KANK1: variants seen among roughly 807,000 people sequenced by gnomAD.
The protein encoded by KANK1 is KN motif and ankyrin repeat domain-containing protein 1.
In KANK1, 109 loss-of-function variants were observed where a neutral mutation model predicts 106.2. That is an observed-to-expected ratio of 1.03 (90% CI 0.88 to 1.20). The LOEUF (loss-of-function observed/expected upper bound fraction) is 1.20, where lower values mean the gene tolerates loss of function less well. Ranked by LOEUF, KANK1 falls within the 50% of genes most tolerant of loss-of-function variation. The probability of loss-of-function intolerance (pLI) is 0.00; values close to 1 mark genes in which losing one functional copy is unlikely to be tolerated. For synonymous variants in KANK1, 873 were observed against 652.2 expected (o/e 1.34, Z -5.16); for missense variants, 2,399 against 1,710.7 (o/e 1.40, Z -7.10).
chr9:718,064 G>A (rs1415649777), intron 3 of KANK1, among the ~76,000 whole-genome samples: 2 of 152,150 alleles, frequency 1.3e-5, no homozygotes, highest in Non-Finnish European at 2.9e-5. Flanking sequence ...AGCAAAAGTA[G>A]TCATTACAAA....
At chr9:693,469 C>G (rs908851218) in intron 2 of KANK1, 92 of 985,182 alleles carry the variant, frequency 9.3e-5, no homozygotes, top group Non-Finnish European at 1.1e-4. Flanking sequence ...TTTCATATGC[C>G]TGAAGAGTAT....
chr9:610,253 C>T (rs980085646), intron 1 of KANK1, among the ~76,000 whole-genome samples: 4 of 152,104 alleles, frequency 2.6e-5, no homozygotes, highest in African/African-American at 4.8e-5. Flanking sequence ...ACAAAAGTAA[C>T]ACAATTATCC....
At chr9:685,229 T>C (rs763097700) in intron 2 of KANK1, among the ~76,000 whole-genome samples, 2 of 152,218 alleles carry the variant, frequency 1.3e-5, no homozygotes, top group Admixed American at 6.5e-5. Context: ...TTTGTACATA[T>C]AGCATTAGTC....
chr9:576,752 G>A (rs946946591), intron 1 of KANK1, among the ~76,000 whole-genome samples: 5 of 150,970 alleles, frequency 3.3e-5, no homozygotes, highest in African/African-American at 9.7e-5. Context: ...AGGAAGAGGA[G>A]GGACCTTGTT....
At chr9:670,701 C>T (rs1252156844) in intron 1 of KANK1, among the ~76,000 whole-genome samples, 1 of 152,158 alleles carries the variant, frequency 6.6e-6, no homozygotes, top group African/African-American at 2.4e-5. Context: ...TGCCTCCTTC[C>T]TTTGTGTCCG....
intron 1 of KANK1, among the ~76,000 whole-genome samples, chr9:574,719 G>A (rs896879175): frequency 3.3e-5 from 5 of 151,914 alleles, no homozygotes; most frequent in African/African-American, 9.7e-5. Flanking sequence ...GCCAGGCATG[G>A]TGGCACGTGC....
upstream of KANK1, among the ~76,000 whole-genome samples, chr9:503,861 C>T (rs1564130708): frequency 6.6e-6 from 1 of 152,204 alleles, no homozygotes; most frequent in African/African-American, 2.4e-5. Context: ...AACTAGGAAG[C>T]CAGTTCAATC....
chr9:685,752 A>C lies in KANK1; in HGVS notation c.37+8743A>C, dbSNP rs142005964. The stretch of plus-strand genomic sequence containing the variant: ...AAGTTTTCTCTCAGGGATCTTTTCT[A>C]CTTTGGACATGATCTCTGTTAGGCA... On this transcript the variant is annotated intron_variant, in intron 2 of 11. Coordinates refer to ENST00000382297, the MANE Select transcript of KANK1 (RefSeq NM_015158.5). Among the ~76,000 whole-genome samples, 6 of 152,280 alleles carry C rather than the reference A, an allele frequency of 3.9e-5. No individual in the cohort carries two copies. In the East Asian group the frequency reaches 9.6e-4, roughly 24 times the overall value.
At chr9:657,928 G>C (rs1009028986) in intron 1 of KANK1, among the ~76,000 whole-genome samples, 1 of 151,946 alleles carries the variant, frequency 6.6e-6, no homozygotes, top group African/African-American at 2.4e-5. Context: ...AATTGCCCAG[G>C]CTGGAATGCA....
intron 1 of KANK1, among the ~76,000 whole-genome samples, chr9:558,530 G>A (rs945642262): frequency 2.0e-5 from 3 of 152,110 alleles, no homozygotes; most frequent in African/African-American, 4.8e-5. Flanking sequence ...ACCTCATGGC[G>A]AAGAGCACTG....
chr9:542,297 C>G (rs938928620), intron 1 of KANK1, among the ~76,000 whole-genome samples: 11 of 152,204 alleles, frequency 7.2e-5, no homozygotes, highest in African/African-American at 2.2e-4. Context: ...GTCAGGAGTT[C>G]AAGACTGGCC....
At chr9:539,845 A>G (rs1049052835) in intron 1 of KANK1, among the ~76,000 whole-genome samples, 14 of 152,254 alleles carry the variant, frequency 9.2e-5, no homozygotes, top group Admixed American at 7.2e-4. Flanking sequence ...TAGATAGTTC[A>G]TTATTAGTAT....
intron 2 of KANK1, among the ~76,000 whole-genome samples, chr9:694,528 GCT>G (rs1416802183): frequency 6.6e-6 from 1 of 152,160 alleles, no homozygotes; most frequent in Admixed American, 6.5e-5. Flanking sequence ...TGGCATTTTG[GCT>G]GTTTTGAGAC....
At chr9:515,299 C>G (rs181991609) in intron 1 of KANK1, among the ~76,000 whole-genome samples, 1 of 149,722 alleles carries the variant, frequency 6.7e-6, no homozygotes, top group African/African-American at 2.5e-5. Context: ...GAGCCGAGAT[C>G]GTGCCACTGC....
intron 1 of KANK1, among the ~76,000 whole-genome samples, chr9:534,603 C>T (rs868696251): frequency 6.6e-6 from 1 of 152,194 alleles, no homozygotes; most frequent in Non-Finnish European, 1.5e-5. Flanking sequence ...TTTTTTCCCC[C>T]TCTTAGTTAT....
chr9:705,169 A>G (rs1823742800), intron 2 of KANK1, among the ~76,000 whole-genome samples: 1 of 152,160 alleles, frequency 6.6e-6, no homozygotes, highest in Non-Finnish European at 1.5e-5. Context: ...TCAGAGCATC[A>G]AGATGTTTTT....
chr9:572,696 C>G (rs1181920162), intron 1 of KANK1, among the ~76,000 whole-genome samples: 4 of 152,164 alleles, frequency 2.6e-5, no homozygotes, highest in African/African-American at 9.7e-5. Context: ...ATGTCCAGCC[C>G]TACTTTTGCT....
rs1378860055 is a variant in KANK1 at position 711,798 on chromosome 9, A to T, written c.1032A>T (p.Glu344Asp). The T allele has an allele frequency of 6.2e-7, 1 of 1,614,072 alleles. No individual in the cohort carries two copies. The highest frequency in any genetic ancestry group is 8.5e-7 in the Non-Finnish European group (1 of 1,179,994). Reference protein sequence around the residue: ...QLSRARRSGGELYIDYEEEEM... With the variant: ...QLSRARRSGGDLYIDYEEEEM... ...CCCGGGCCCGAAGAAGTGGCGGGGA[A>T]TTATACATTGACTATGAGGAGGAAG... The change falls in exon 3 of 12, where the codon GAA (glutamate) becomes GAT (aspartate). Residue 344 changes from glutamate (E) to aspartate (D), a missense_variant. Glu to Asp is a conservative substitution (Grantham distance 45). Coordinates refer to ENST00000382297, the MANE Select transcript of KANK1 (RefSeq NM_015158.5).
intron 3 of KANK1, among the ~76,000 whole-genome samples, chr9:494,867 A>G (rs1403688551): frequency 6.6e-6 from 1 of 151,986 alleles, no homozygotes; most frequent in Admixed American, 6.5e-5. Context: ...CAGTGTAGTG[A>G]AAGTTAAATA....
Sources: allele counts gnomAD v4.1 joint callset (sites outside exome capture counted in the v4.1 genomes callset), GRCh38; gene constraint gnomAD v4.1.1; transcripts MANE v1.5; gene names NCBI Gene and HGNC (gene_info 2026-07-23, HGNC 2026-07-21).